CALN1: variants seen among roughly 807,000 people sequenced by gnomAD.
The protein encoded by CALN1 is calneuron 1, also known as calcium-binding protein 8.
Under a neutral mutation model 30.6 loss-of-function variants are expected in CALN1, and 17 were observed. That is an observed-to-expected ratio of 0.56 (90% CI 0.38 to 0.83). CALN1 has a LOEUF of 0.83. CALN1 is among the 40% of genes least tolerant of loss of function. CALN1 has a pLI of 0.00. For synonymous variants in CALN1, 156 were observed against 131.4 expected, an observed-to-expected ratio of 1.19 and a Z score of -1.28; for missense variants, 291 against 354.9, an observed-to-expected ratio of 0.82 and a Z score of 1.45.
intron 3 of CALN1, among the ~76,000 whole-genome samples, chr7:72,157,248 T>C (rs1210490963): frequency 6.6e-6 from 1 of 152,166 alleles, no homozygotes; most frequent in Middle Eastern, 3.2e-3. Context: ...ACAACAACGA[T>C]ATGCAAAGAT....
chr7:72,344,584 T>C (rs1049661916), intron 2 of CALN1, among the ~76,000 whole-genome samples: 3 of 147,376 alleles, frequency 2.0e-5, no homozygotes, highest in East Asian at 2.0e-4. Context: ...ATATATTCTA[T>C]TTATATGTAA....
At chr7:72,289,531 T>C (rs1287088572) in intron 2 of CALN1, among the ~76,000 whole-genome samples, 1 of 152,188 alleles carries the variant, frequency 6.6e-6, no homozygotes, top group Non-Finnish European at 1.5e-5. Flanking sequence ...CATTTTCCAT[T>C]TTCATGGTGA....
rs58845319 is a variant in CALN1, at chr7:71,903,052, C to CT, written c.502-92561dup. Among the ~76,000 whole-genome samples the CT allele has an allele frequency of 4.6e-5, 7 of 151,432 alleles. No individual in the cohort carries two copies. In the East Asian group the frequency reaches 9.7e-4, roughly 21 times the overall value. ...AGTAAAAATTTAAAAAAAATTTTTACTTTTTTTTAAAAAAAGTAAAAAAAT... is the reference window on the plus strand; with the variant it reads ...AGTAAAAATTTAAAAAAAATTTTTACTTTTTTTTTAAAAAAAGTAAAAAAAT... On this transcript the variant is annotated intron_variant, in intron 5 of 6. Coordinates refer to ENST00000395275, the MANE Select transcript of CALN1 (RefSeq NM_031468.4).
intron 4 of CALN1, among the ~76,000 whole-genome samples, chr7:72,077,684 C>T (rs1025041782): frequency 6.5e-4 from 99 of 152,112 alleles, no homozygotes; most frequent in African/African-American, 2.0e-3. Context: ...TGTTTGCAAA[C>T]CAGGATCTCA....
At chr7:72,377,427 C>T (rs1239230801) in intron 2 of CALN1, among the ~76,000 whole-genome samples, 1 of 129,010 alleles carries the variant, frequency 7.8e-6, no homozygotes, top group African/African-American at 3.0e-5. Context: ...GTAATATGGG[C>T]CACACTTTCG....
chr7:72,263,941 C>T (rs1338052926), intron 3 of CALN1, among the ~76,000 whole-genome samples: 1 of 152,172 alleles, frequency 6.6e-6, no homozygotes, highest in Non-Finnish European at 1.5e-5. Context: ...TCCCTGTTGA[C>T]TCCCCTCCTT....
chr7:72,368,809 CTTTTT>C (rs57192078), intron 2 of CALN1, among the ~76,000 whole-genome samples: 233 of 101,554 alleles, frequency 2.3e-3, no homozygotes, highest in South Asian at 6.2e-3. Context: ...GTTTGAAACC[CTTTTT>C]TTTTTTTTTT....
At chr7:72,089,210 C>A (rs774316573) in intron 4 of CALN1, among the ~76,000 whole-genome samples, 1 of 151,932 alleles carries the variant, frequency 6.6e-6, no homozygotes, top group Non-Finnish European at 1.5e-5. Context: ...TTCTTATCTT[C>A]CATAAAAAAG....
intron 5 of CALN1, among the ~76,000 whole-genome samples, chr7:72,008,657 AT>A (rs377110167): frequency 0.068 from 9,404 of 139,240 alleles, 702 homozygotes; most frequent in African/African-American, 0.21. Flanking sequence ...AAGACTTTCA[AT>A]TTTTTTTTTT....
intron 3 of CALN1, among the ~76,000 whole-genome samples, chr7:72,246,753 A>ATTTTTTTTTTTTTTT (rs58282615): frequency 1.7e-5 from 2 of 116,572 alleles, no homozygotes; most frequent in Non-Finnish European, 3.4e-5. Context: ...TACCAGAACA[A>ATTTTTTTTTTTTTTT]TTTTTTTTTT....
Position 71,912,475 on chromosome 7 carries a change from G to A in CALN1, c.502-101983C>T, listed in dbSNP as rs190658324. On this transcript the variant is annotated intron_variant, in intron 5 of 6. Coordinates refer to ENST00000395275, the MANE Select transcript of CALN1 (RefSeq NM_031468.4). ...GCAGCAACTTAAAAACACAGAAACC[G>A]GCCACACACACAATTCGTGCATGTT... Among the ~76,000 whole-genome samples the A allele has an allele frequency of 3.3e-5, 5 of 152,206 alleles. No individual in the cohort carries two copies. The East Asian group carries it at 9.7e-4, about 29-fold the overall frequency.
rs773299776 is a variant in CALN1, at chr7:71,810,472, A to C, written c.522T>G (p.Thr174=). The C allele has an allele frequency of 1.2e-5, 20 of 1,613,878 alleles. No individual in the cohort carries two copies. The highest frequency in any genetic ancestry group is 3.3e-5 in the Admixed American group (2 of 59,986). The change falls in exon 6 of 7, where the codon ACT becomes ACG. Residue 174 remains threonine, a synonymous_variant. Transcript: ENST00000395275. The part of the protein sequence containing the change: ...IFWQFDMQRI[T]LEELKHILYH... The stretch of plus-strand genomic sequence containing the variant: ...AGAGAATGTGCTTCAACTCTTCCAG[A>C]GTTATCCTTTGCATGTCAAACTGTG...
At chr7:71,788,004 G>C in intron 6 of CALN1, 102 bp from the exon 7 acceptor site, 1 of 1,489,540 alleles carries the variant, frequency 6.7e-7, no homozygotes, top group South Asian at 1.2e-5. Context: ...TTCCTCAACA[G>C]GCCAGCAGTG....
intron 2 of CALN1, among the ~76,000 whole-genome samples, chr7:72,319,103 T>C (rs1047830998): frequency 2.6e-5 from 4 of 152,196 alleles, no homozygotes; most frequent in African/African-American, 9.7e-5. Flanking sequence ...CCAAGCACTA[T>C]TTGCAACAGC....
chr7:72,363,941 G>T (rs973921360), intron 2 of CALN1, among the ~76,000 whole-genome samples: 1 of 151,796 alleles, frequency 6.6e-6, no homozygotes, highest in Non-Finnish European at 1.5e-5. Flanking sequence ...CACCACATTG[G>T]CCAGGCTGGT....
intron 3 of CALN1, among the ~76,000 whole-genome samples, chr7:72,216,442 A>G (rs747364424): frequency 1.3e-5 from 2 of 151,862 alleles, no homozygotes; most frequent in Non-Finnish European, 2.9e-5. Context: ...ATAAATAAAT[A>G]CATATATCTT....
intron 4 of CALN1, among the ~76,000 whole-genome samples, chr7:72,083,545 C>T (rs1421159293): frequency 1.3e-5 from 2 of 151,954 alleles, no homozygotes; most frequent in East Asian, 3.9e-4. Context: ...GATCATGCCA[C>T]TGCACTTCAG....
intron 3 of CALN1, among the ~76,000 whole-genome samples, chr7:72,124,270 T>C (rs1808590370): frequency 6.6e-6 from 1 of 152,156 alleles, no homozygotes; most frequent in Non-Finnish European, 1.5e-5. Context: ...ATACATAGAC[T>C]ACAATGAACA....
chr7:72,458,247 ATATATTTTATAATATATTC>A, the CALN1 span, among the ~76,000 whole-genome samples: 1,100 of 83,922 alleles, frequency 0.013, 81 homozygotes, highest in African/African-American at 0.016. Context: ...ATATTATATA[ATATATTTTATAATATATTC>A]TATATTATAT....
Sources: gnomAD v4.1 joint callset for allele counts (sites outside exome capture counted in the v4.1 genomes callset) on GRCh38, gnomAD v4.1.1 for gene constraint, MANE v1.5 for transcripts, NCBI Gene and HGNC (gene_info 2026-07-23, HGNC 2026-07-21) for gene names.